Variants in NFKBIE observed in about 807,000 individuals in gnomAD.
NFKBIE encodes the protein NF-kappa-B inhibitor epsilon.
A neutral mutation model predicts 31.6 loss-of-function variants in NFKBIE; 11 were observed. The observed-to-expected ratio is 0.35, with a 90% CI of 0.22 to 0.58. The LOEUF (loss-of-function observed/expected upper bound fraction) is 0.58. NFKBIE is among the 20% of genes least tolerant of loss of function. The probability of loss-of-function intolerance (pLI) is 0.83; values close to 1 mark genes in which losing one functional copy is unlikely to be tolerated. For missense variants in NFKBIE, 354 were observed against 465.7 expected (o/e 0.76, Z 2.21); for synonymous variants, 208 against 210.1 (o/e 0.99, Z 0.09).
chr6:44,258,982 T>G lies in NFKBIE; in HGVS notation c.*237A>C. 1.3e-5 allele frequency: 5 copies of G among 385,532 alleles called. No individual in the cohort carries two copies. The highest frequency in any genetic ancestry group is 2.5e-5 in the Non-Finnish European group (5 of 203,036). The allele number at this position is 385,532 out of a possible 1,614,324, so 23.9% of individuals were successfully genotyped here. Reference sequence around the variant, plus strand: ...GGCTTCACCCAGGATACCTGGGGCTTTGGGGGTCTTCCAAGAAGCCCTGTC... The same window carrying G: ...GGCTTCACCCAGGATACCTGGGGCTGTGGGGGTCTTCCAAGAAGCCCTGTC... On this transcript the variant is annotated 3_prime_UTR_variant, in exon 6 of 6. Transcript: ENST00000619360.
intron 5 of NFKBIE, 104 bp downstream of exon 5, chr6:44,259,939 T>TTATACCCCAGGACTCCTGGC: frequency 1.4e-6 from 2 of 1,473,238 alleles, no homozygotes; most frequent in East Asian, 2.3e-5. Flanking sequence ...AGAGTCCTGG[T>TTATACCCCAGGACTCCTGGC]TATACCCCAG....
At position 44,265,212 on chromosome 6, in the gene NFKBIE, G is replaced by C. The variant is rs1367758432; in HGVS notation, c.135C>G (p.Pro45=). The change falls in exon 1 of 6, where the codon CCC becomes CCG. Residue 45 remains proline, a synonymous_variant. Transcript: ENST00000619360. ...GTCCCGGAGGATGGGTGCAGGGCTG[G>C]GGGCTGCCGTCCGAGGGCCCGGAGG... The part of the protein sequence containing the change: ...APASGPSDGS[P]QPCTHPPGPV... 7 of 1,551,972 alleles carry C rather than the reference G, an allele frequency of 4.5e-6. No individual in the cohort carries two copies. Among genetic ancestry groups the C allele is most frequent in the Non-Finnish European group, 5.2e-6 (6 of 1,147,240 alleles).
intron 1 of NFKBIE, 134 bp downstream of exon 1, chr6:44,264,848 A>G: frequency 1.0e-6 from 1 of 997,778 alleles, no homozygotes; most frequent in Non-Finnish European, 1.5e-6. Context: ...GTGGGCTGAG[A>G]GTTAAGTCTG....
In NFKBIE at chr6:44,259,210, T is replaced by C. The variant is rs1781800597; in HGVS notation, c.*9A>G. 6.2e-7 allele frequency: 1 copy of C among 1,613,132 alleles called. No homozygotes were observed. Among genetic ancestry groups the C allele is most frequent in the Non-Finnish European group, 8.5e-7 (1 of 1,179,394 alleles). ...GTGGAGCCCTGAGGATCCCAGACCC[T>C]GCCTGGCTTCAGTCGGTACACAGCA... On this transcript the variant is annotated 3_prime_UTR_variant, in exon 6 of 6. Transcript: ENST00000619360.
rs1036695630 is a variant in NFKBIE at position 44,263,739 on chromosome 6, C to T, written c.366-1077G>A. 3.9e-5 allele frequency among the ~76,000 whole-genome samples: 6 copies of T among 152,134 alleles called. No individual in the cohort carries two copies. The highest frequency in any genetic ancestry group is 7.4e-5 in the Non-Finnish European group (5 of 68,014). On this transcript the variant is annotated intron_variant, in intron 1 of 5. Coordinates refer to ENST00000619360, the MANE Select transcript of NFKBIE (RefSeq NM_004556.3). The surrounding 1 kb of genome is among the most constrained non-coding windows in gnomAD (Gnocchi z 5.0). ...CTCCAACAGAGGGAGGAAAGTGCCC[C>T]CTGCTCTCTGGGGACTCGCTGGGGA... is the stretch of plus-strand genomic sequence containing the variant.
Position 44,261,338 on chromosome 6 carries a change from G to A in NFKBIE, c.691+288C>T, listed in dbSNP as rs573313866. 2.0e-5 allele frequency among the ~76,000 whole-genome samples: 3 copies of A among 152,302 alleles called. No homozygotes were observed. The highest frequency in any genetic ancestry group is 2.1e-4 in the South Asian group (1 of 4,830). On this transcript the variant is annotated intron_variant, in intron 3 of 5. Transcript: ENST00000619360. The surrounding 1 kb of genome is among the most constrained non-coding windows in gnomAD (Gnocchi z 4.3). ...ACGTCTGGCACATAGAAAACCCTCA[G>A]TACATTTCTGTTGAATGAATGAATC... is the stretch of plus-strand genomic sequence containing the variant.
At position 44,260,446 on chromosome 6, in the gene NFKBIE, C is replaced by A. The variant is rs778829615; in HGVS notation, c.780+5G>T. On this transcript the variant is annotated splice_donor_5th_base_variant and intron_variant, in intron 4 of 5. Transcript: ENST00000619360. This position sits in a 1 kb window ranked among gnomAD's most constrained non-coding sequence, Gnocchi z 5.5. ...GGCCGGGCAGTGCTTTGCTGGCTGT[C>A]TCACCTGCACATCAATGTCAGCTCC... The A allele has an allele frequency of 8.7e-6, 14 of 1,614,050 alleles. No individual in the cohort carries two copies. The highest frequency in any genetic ancestry group is 1.1e-5 in the Non-Finnish European group (13 of 1,180,026).
At chr6:44,259,721 A>C (rs1373489741) in intron 5 of NFKBIE, among the ~76,000 whole-genome samples, 2 of 151,998 alleles carry the variant, frequency 1.3e-5, no homozygotes, top group Non-Finnish European at 2.9e-5. Context: ...CTGGGCCTAC[A>C]CTCCTGCTTT....
Position 44,261,963 on chromosome 6 carries a change from AGGCC to A in NFKBIE, c.469-119_469-116del. The A allele has an allele frequency of 1.0e-6, 1 of 955,120 alleles. No individual in the cohort carries two copies. Among genetic ancestry groups the A allele is most frequent in the Non-Finnish European group, 1.6e-6 (1 of 636,746 alleles). 59.2% of individuals were successfully genotyped at this position (955,120 alleles called of 1,614,324 possible). A position where few individuals can be genotyped will look rare whatever the true frequency, so the allele number is the denominator to read the frequency against. On this transcript the variant is annotated intron_variant, in intron 2 of 5. Transcript: ENST00000619360. The surrounding 1 kb of genome is among the most constrained non-coding windows in gnomAD (Gnocchi z 4.3). ...CATCTTCTTTGAAAGCAGCTTATAAAGGCCATAACCTGTTCTTCCAAGGAAATAC... is the reference window on the plus strand; with the variant it reads ...CATCTTCTTTGAAAGCAGCTTATAAAATAACCTGTTCTTCCAAGGAAATAC...
At position 44,260,214 on chromosome 6, in the gene NFKBIE, G is replaced by T. The variant is rs1583008132; in HGVS notation, c.849C>A (p.Phe283Leu). 1.2e-6 allele frequency: 2 copies of T among 1,614,116 alleles called. No individual in the cohort carries two copies. Among genetic ancestry groups the T allele is most frequent in the East Asian group, 4.5e-5 (2 of 44,884 alleles). Residue 283 changes from phenylalanine (F) to leucine (L), a missense_variant, in exon 5 of 6, where the codon TTC becomes TTA. Phe to Leu is a conservative substitution (Grantham distance 22). Transcript: ENST00000619360. The surrounding 1 kb of genome is among the most constrained non-coding windows in gnomAD (Gnocchi z 5.5). ...VETQERGLVQ[F>L]LLQAGAQVDA... The stretch of plus-strand genomic sequence containing the variant: ...CTACCTGGGCACCAGCCTGGAGCAG[G>T]AACTGTACCAGGCCCCGCTCTTGGG...
rs28385697 is a variant in NFKBIE, at chr6:44,265,525, G to A, written c.-179C>T. 5.4e-3 allele frequency: 8,499 copies of A among 1,564,988 alleles called. 44 individuals are homozygous for A. The highest frequency in any genetic ancestry group is 0.012 in the South Asian group (984 of 85,450). ...GCGCAGCGAGGACAAGGTTCGGAGCGCTGGCCAGGTCCACCCAGCGGTTAC... is the reference window on the plus strand; with the variant it reads ...GCGCAGCGAGGACAAGGTTCGGAGCACTGGCCAGGTCCACCCAGCGGTTAC... On this transcript the variant is annotated 5_prime_UTR_variant, in exon 1 of 6. Coordinates refer to ENST00000619360, the MANE Select transcript of NFKBIE (RefSeq NM_004556.3).
intron 2 of NFKBIE, 81 bp downstream of exon 2, chr6:44,262,479 G>T: frequency 1.6e-6 from 2 of 1,228,216 alleles, no homozygotes; most frequent in Non-Finnish European, 2.4e-6. Context: ...TAAGTGAGCA[G>T]CCTTTGGACT....
Position 44,265,320 on chromosome 6 carries a change from G to A in NFKBIE, c.27C>T (p.Asp9=), listed in dbSNP as rs777972602. 3 of 1,548,932 alleles carry A rather than the reference G, an allele frequency of 1.9e-6. No individual in the cohort carries two copies. The highest frequency in any genetic ancestry group is 3.8e-5 in the Admixed American group (2 of 52,352). MSEARKGP[D]EAEESQYDSG... ...AGTCGTACTGGCTCTCCTCCGCCTC[G>A]TCCGGCCCCTTCCGCGCCTCCGACA... Residue 9 remains aspartate (D), a synonymous_variant, in exon 1 of 6, where the codon GAC becomes GAT. Transcript: ENST00000619360.
In NFKBIE at chr6:44,261,482, G is replaced by A; in HGVS notation, c.691+144C>T. 2 of 749,858 alleles carry A rather than the reference G, an allele frequency of 2.7e-6. No homozygotes were observed. Among genetic ancestry groups the A allele is most frequent in the Middle Eastern group, 2.8e-4 (1 of 3,634 alleles). 46.5% of individuals were successfully genotyped at this position (749,858 alleles called of 1,614,324 possible). A position where few individuals can be genotyped will look rare whatever the true frequency, so the allele number is the denominator to read the frequency against. ...ATCATCCATTCATTCATTTGGCAAAGATGTACTGAATATCTATGTGCTTAC... is the reference window on the plus strand; with the variant it reads ...ATCATCCATTCATTCATTTGGCAAAAATGTACTGAATATCTATGTGCTTAC... On this transcript the variant is annotated intron_variant, in intron 3 of 5. Coordinates refer to ENST00000619360, the MANE Select transcript of NFKBIE (RefSeq NM_004556.3). The surrounding 1 kb of genome is among the most constrained non-coding windows in gnomAD (Gnocchi z 4.3).
intron 5 of NFKBIE, 110 bp from the exon 6 acceptor site, chr6:44,259,394 T>C: frequency 2.6e-6 from 2 of 777,764 alleles, no homozygotes; most frequent in Middle Eastern, 2.3e-4. Context: ...CAAATGACAG[T>C]TGAAGACCAT....
At chr6:44,264,454 CCTGT>C (rs1394421593) in intron 1 of NFKBIE, among the ~76,000 whole-genome samples, 2 of 152,172 alleles carry the variant, frequency 1.3e-5, no homozygotes, top group South Asian at 2.1e-4. Context: ...CAGCCAGCCG[CCTGT>C]CTGTCTGCTG....
chr6:44,260,603 G>A lies in NFKBIE; in HGVS notation c.692-64C>T. 1 of 1,499,678 alleles carries A rather than the reference G, an allele frequency of 6.7e-7. No homozygotes were observed. Among genetic ancestry groups the A allele is most frequent in the East Asian group, 2.3e-5 (1 of 44,204 alleles). The allele number at this position is 1,499,678 out of a possible 1,614,324, so 92.9% of individuals were successfully genotyped here. ...TGCATCCACCAACTCCCTCTCTTCT[G>A]GGACCTCCCTACCACTCAGCCCCAA... is the stretch of plus-strand genomic sequence containing the variant. On this transcript the variant is annotated intron_variant, in intron 3 of 5. Transcript: ENST00000619360. This position sits in a 1 kb window ranked among gnomAD's most constrained non-coding sequence, Gnocchi z 5.5.
At chr6:44,264,683 C>CA (rs1561914488) in intron 1 of NFKBIE, among the ~76,000 whole-genome samples, 3 of 151,968 alleles carry the variant, frequency 2.0e-5, no homozygotes, top group Non-Finnish European at 2.9e-5. Context: ...CAAGAAGAAA[C>CA]AAAAAAACTG....
chr6:44,264,919 CTGT>C (rs1373890464), intron 1 of NFKBIE, 60 bp downstream of exon 1: 1 of 1,519,566 alleles, frequency 6.6e-7, no homozygotes, highest in Non-Finnish European at 8.8e-7. Flanking sequence ...GGTGCCCGAC[CTGT>C]TGCGGCTCTT....
Sources: gnomAD v4.1 joint callset for allele counts (sites outside exome capture counted in the v4.1 genomes callset) on GRCh38, gnomAD v4.1.1 for gene constraint, Gnocchi (gnomAD v3.1) non-coding constraint, MANE v1.5 for transcripts, NCBI Gene and HGNC (gene_info 2026-07-23, HGNC 2026-07-21) for gene names.